Variants in ITGA2 observed in about 807,000 individuals in gnomAD.
ITGA2 encodes the protein integrin subunit alpha 2.
A neutral mutation model predicts 146.3 loss-of-function variants in ITGA2; 101 were observed. The ratio of observed to expected loss-of-function variants is 0.69; its 90% CI spans 0.59 to 0.81. The LOEUF (loss-of-function observed/expected upper bound fraction) is 0.81, where lower values mean the gene tolerates loss of function less well. Among genes scored for constraint, ITGA2 ranks in the 40% least tolerant of loss-of-function variants. ITGA2 has a pLI of 0.00. For synonymous variants in ITGA2, 477 were observed against 487.1 expected, an observed-to-expected ratio of 0.98 and a Z score of 0.27; for missense variants, 1,281 against 1,402.7, an observed-to-expected ratio of 0.91 and a Z score of 1.39.
rs539600428 is a variant in ITGA2, at chr5:53,008,934, C to G, written c.65-17814C>G. On this transcript the variant is annotated intron_variant, in intron 1 of 29. Transcript: ENST00000296585. ...CAGAGAAGGACTTTATTACTCACAGCACAGCAGGCAGCACGAGTATGAGCA... is the reference window on the plus strand; with the variant it reads ...CAGAGAAGGACTTTATTACTCACAGGACAGCAGGCAGCACGAGTATGAGCA... Among the ~76,000 whole-genome samples the G allele has an allele frequency of 1.1e-3, 160 of 152,252 alleles. 1 individual carries two copies. Among genetic ancestry groups the G allele is most frequent in the Middle Eastern group, 0.01 (3 of 294 alleles).
chr5:53,074,404 CA>C lies in ITGA2; in HGVS notation c.2592del (p.Cys865AlafsTer14). 1 of 1,612,366 alleles carries C rather than the reference CA, an allele frequency of 6.2e-7. No homozygotes were observed. The highest frequency in any genetic ancestry group is 8.5e-7 in the Non-Finnish European group (1 of 1,178,922). The stretch of plus-strand genomic sequence containing the variant: ...GTTCAGGTTGATGGGACAGAAGTAA[CA>C]TGCCAGGTGGCTGCATCTCAGAAGT... The part of the protein sequence containing the change: ...FSLPVDGTEV[T>X]CQVAASQKSV... On this transcript the variant is annotated frameshift_variant, in exon 21 of 30. Coordinates refer to ENST00000296585, the MANE Select transcript of ITGA2 (RefSeq NM_002203.4). LOFTEE classifies it high-confidence loss of function.
At chr5:53,060,067 G>A in intron 11 of ITGA2, 55 bp downstream of exon 11, 1 of 1,581,088 alleles carries the variant, frequency 6.3e-7, no homozygotes, top group African/African-American at 1.3e-5. Context: ...CTTTAAACCA[G>A]CTCTTTGTTG....
chr5:53,036,356 C>T (rs67719154), intron 2 of ITGA2, among the ~76,000 whole-genome samples: 47,741 of 151,946 alleles, frequency 0.31, 7,579 homozygotes, highest in Admixed American at 0.38. Context: ...TTTCCCTCAG[C>T]TGGAAAGCTG....
chr5:53,092,758 A>G lies in ITGA2; in HGVS notation c.*2159A>G, dbSNP rs1740490486. The G allele has an allele frequency of 6.6e-6, 1 of 152,264 alleles. No individual in the cohort carries two copies. The highest frequency in any genetic ancestry group is 1.5e-5 in the Non-Finnish European group (1 of 68,110). 9.4% of individuals were successfully genotyped at this position (152,264 alleles called of 1,614,324 possible). On this transcript the variant is annotated 3_prime_UTR_variant, in exon 30 of 30. Transcript: ENST00000296585. ...GACAGGAAGATCGCTTGAGCCCAGG[A>G]GTTCAAGTCCAGCCTAAGCAACATA...
At chr5:53,018,363 C>T (rs975429252) in intron 1 of ITGA2, among the ~76,000 whole-genome samples, 11 of 152,222 alleles carry the variant, frequency 7.2e-5, no homozygotes, top group South Asian at 4.1e-4. Context: ...TCGTGAGTTC[C>T]GCTGCTAGGA....
intron 28 of ITGA2, chr5:53,089,281 T>C (rs1407895895): frequency 6.6e-6 from 1 of 152,232 alleles, no homozygotes; most frequent in Admixed American, 6.5e-5. Context: ...CTTTCCCCAA[T>C]TAATTAAATT....
chr5:53,084,194 G>T (rs1363214207), intron 27 of ITGA2, among the ~76,000 whole-genome samples: 1 of 152,158 alleles, frequency 6.6e-6, no homozygotes, highest in Non-Finnish European at 1.5e-5. Flanking sequence ...TGGACTGCTT[G>T]TGTGGCTAGC....
chr5:53,025,825 A>G (rs1742918111), intron 1 of ITGA2, among the ~76,000 whole-genome samples: 1 of 151,848 alleles, frequency 6.6e-6, no homozygotes, highest in Non-Finnish European at 1.5e-5. Context: ...CCATCTCCAG[A>G]GAGAGCATTA....
intron 1 of ITGA2, among the ~76,000 whole-genome samples, chr5:53,017,958 C>T (rs1322651660): frequency 2.0e-5 from 3 of 151,980 alleles, no homozygotes; most frequent in East Asian, 1.9e-4. Flanking sequence ...CATTATGCAT[C>T]GGTAGGGGCT....
chr5:53,030,371 C>A (rs548344469), intron 2 of ITGA2, among the ~76,000 whole-genome samples: 2 of 152,320 alleles, frequency 1.3e-5, no homozygotes, highest in African/African-American at 4.8e-5. Flanking sequence ...AAGCAAGGCA[C>A]CACTCTATTA....
chr5:53,048,343 G>C lies in ITGA2; in HGVS notation c.388-20G>C. ...CATTTTTCATGTGTTTCCATTGATT[G>C]TTTTCTCATTTCTTTGAAGACATGT... On this transcript the variant is annotated intron_variant, in intron 4 of 29. Coordinates refer to ENST00000296585, the MANE Select transcript of ITGA2 (RefSeq NM_002203.4). 6.3e-7 allele frequency: 1 copy of C among 1,582,432 alleles called. No individual in the cohort carries two copies. The highest frequency in any genetic ancestry group is 8.7e-7 in the Non-Finnish European group (1 of 1,151,154).
intron 1 of ITGA2, among the ~76,000 whole-genome samples, chr5:53,024,760 A>G (rs1045659437): frequency 2.6e-5 from 4 of 152,208 alleles, no homozygotes; most frequent in Non-Finnish European, 5.9e-5. Context: ...AAACAGAAGG[A>G]AAGTGAGTGT....
intron 2 of ITGA2, among the ~76,000 whole-genome samples, chr5:53,038,466 C>T (rs1460285442): frequency 6.6e-6 from 1 of 152,082 alleles, no homozygotes; most frequent in African/African-American, 2.4e-5. Flanking sequence ...ATGGATGTAC[C>T]CTCCCAGGAC....
chr5:53,052,541 C>T (rs1376940765), intron 7 of ITGA2, among the ~76,000 whole-genome samples: 1 of 151,650 alleles, frequency 6.6e-6, no homozygotes, highest in Non-Finnish European at 1.5e-5. Flanking sequence ...TTTTTACCAC[C>T]ATAATTCTTT....
intron 1 of ITGA2, among the ~76,000 whole-genome samples, chr5:53,011,736 T>G (rs1438292592): frequency 6.7e-6 from 1 of 150,316 alleles, no homozygotes. Flanking sequence ...AATATGTGAG[T>G]GGGGGGGAGT....
chr5:53,060,112 G>A lies in ITGA2; in HGVS notation c.1312+100G>A, dbSNP rs933520876. On this transcript the variant is annotated intron_variant, in intron 11 of 29. Coordinates refer to ENST00000296585, the MANE Select transcript of ITGA2 (RefSeq NM_002203.4). ...GTGAGTTCAGCAAAATCCTTGAACT[G>A]TCATCTAATTATCATATTTATTACA... 3.3e-6 allele frequency: 4 copies of A among 1,212,758 alleles called. No individual in the cohort carries two copies. In the East Asian group the frequency reaches 7.1e-5, roughly 21 times the overall value. The allele number at this position is 1,212,758 out of a possible 1,614,324, so 75.1% of individuals were successfully genotyped here. A position where few individuals can be genotyped will look rare whatever the true frequency, so the allele number is the denominator to read the frequency against.
In ITGA2 at chr5:53,003,227, G is replaced by A. The variant is rs111575101; in HGVS notation, c.64+13695G>A. On this transcript the variant is annotated intron_variant, in intron 1 of 29. Transcript: ENST00000296585. ...TCACTTGAGGCATGGCAATCTTCTA[G>A]TTAAAATTTCCACACTTCCATGGGT... Among the ~76,000 whole-genome samples, 954 of 152,264 alleles carry A rather than the reference G, an allele frequency of 6.3e-3. 14 individuals are homozygous for A. The highest frequency in any genetic ancestry group is 0.022 in the African/African-American group (911 of 41,550).
intron 2 of ITGA2, among the ~76,000 whole-genome samples, chr5:53,027,589 G>C (rs1387062833): frequency 6.6e-6 from 1 of 152,196 alleles, no homozygotes; most frequent in Non-Finnish European, 1.5e-5. Flanking sequence ...TTGTATTTGG[G>C]AAGAAGCGCT....
At chr5:53,051,363 A>ATT (rs1320312727) in intron 6 of ITGA2, 48 bp from the exon 7 acceptor site, 3 of 1,585,686 alleles carry the variant, frequency 1.9e-6, no homozygotes, top group South Asian at 1.1e-5. Context: ...AGTAGAAATT[A>ATT]TTTTTAATGT....
Sources: gnomAD v4.1 joint callset for allele counts (sites outside exome capture counted in the v4.1 genomes callset) on GRCh38, gnomAD v4.1.1 for gene constraint, MANE v1.5 for transcripts, NCBI Gene and HGNC (gene_info 2026-07-23, HGNC 2026-07-21) for gene names.